Variants in GDAP1 observed in about 807,000 individuals in gnomAD.
GDAP1 encodes the protein ganglioside induced differentiation associated protein 1, also known as ganglioside-induced differentiation-associated protein 1.
A neutral mutation model predicts 40.1 loss-of-function variants in GDAP1; 34 were observed. The observed-to-expected ratio is 0.85, with a 90% CI of 0.64 to 1.13. The LOEUF (loss-of-function observed/expected upper bound fraction) is 1.13, where lower values mean the gene tolerates loss of function less well. Among genes scored for constraint, GDAP1 ranks in the 50% most tolerant of loss-of-function variants. GDAP1 has a pLI of 0.00. For synonymous variants in GDAP1, 170 were observed against 157.4 expected (o/e 1.08, Z -0.60); for missense variants, 374 against 433.7 (o/e 0.86, Z 1.22).
At chr8:74,412,232 G>A (rs1424136134) in intron 2 of GDAP1, among the ~76,000 whole-genome samples, 4 of 149,794 alleles carry the variant, frequency 2.7e-5, no homozygotes, top group African/African-American at 7.6e-5. Context: ...AATGATTAAT[G>A]GAAAATTTAT....
chr8:74,387,127 CAG>C (rs1810036958), intron 2 of GDAP1, among the ~76,000 whole-genome samples: 1 of 152,198 alleles, frequency 6.6e-6, no homozygotes, highest in Non-Finnish European at 1.5e-5. Context: ...CATCTGCAAA[CAG>C]AGGCAATTCT....
At chr8:74,377,763 C>T (rs1187242734) in intron 2 of GDAP1, among the ~76,000 whole-genome samples, 2 of 152,228 alleles carry the variant, frequency 1.3e-5, no homozygotes, top group Non-Finnish European at 2.9e-5. Context: ...AACAATCCCA[C>T]TCTTAGGTAT....
In GDAP1 at chr8:74,365,404, G is replaced by A. The variant is rs1448738605; in HGVS notation, c.*1037G>A. ...TGTATTCACTGATGTATGTTTAAGG[G>A]ATTTGGGGGGGATACCTCAGTTCAT... is the stretch of plus-strand genomic sequence containing the variant. On this transcript the variant is annotated 3_prime_UTR_variant, in exon 6 of 6. Transcript: ENST00000220822. 6.6e-6 allele frequency: 3 copies of A among 453,698 alleles called. No homozygotes were observed. In the East Asian group the frequency reaches 2.1e-4, roughly 32 times the overall value. The allele number at this position is 453,698 out of a possible 1,614,324, so 28.1% of individuals were successfully genotyped here. A position where few individuals can be genotyped will look rare whatever the true frequency, so the allele number is the denominator to read the frequency against.
At chr8:74,473,934 A>G (rs1172674082) in intron 2 of GDAP1, among the ~76,000 whole-genome samples, 1 of 152,242 alleles carries the variant, frequency 6.6e-6, no homozygotes, top group Non-Finnish European at 1.5e-5. Context: ...GTTCCTATCC[A>G]TGCACATGGA....
chr8:74,396,634 C>G (rs1279621359), intron 2 of GDAP1, among the ~76,000 whole-genome samples: 1 of 151,894 alleles, frequency 6.6e-6, no homozygotes, highest in Non-Finnish European at 1.5e-5. Context: ...CGATAGTTTA[C>G]TGAGAATGAT....
chr8:74,465,739 A>G (rs1389117249), intron 2 of GDAP1, among the ~76,000 whole-genome samples: 2 of 150,714 alleles, frequency 1.3e-5, no homozygotes, highest in Non-Finnish European at 2.9e-5. Flanking sequence ...TCCCTGCTTC[A>G]GGCACACTGA....
chr8:74,456,261 T>G (rs1806335391), intron 2 of GDAP1, among the ~76,000 whole-genome samples: 1 of 151,948 alleles, frequency 6.6e-6, no homozygotes, highest in Admixed American at 6.6e-5. Context: ...AAAGAGGCAA[T>G]GTTGGAATTT....
intron 2 of GDAP1, among the ~76,000 whole-genome samples, chr8:74,393,528 A>G (rs766947439): frequency 6.6e-6 from 1 of 152,210 alleles, no homozygotes; most frequent in Non-Finnish European, 1.5e-5. Flanking sequence ...TAGAAAAATG[A>G]TAATGACTAT....
intron 2 of GDAP1, among the ~76,000 whole-genome samples, chr8:74,471,391 G>T (rs1806552461): frequency 6.6e-6 from 1 of 151,572 alleles, no homozygotes; most frequent in African/African-American, 2.4e-5. Flanking sequence ...TTACTTAAAA[G>T]ATTATTTATT....
chr8:74,363,009 A>T lies in GDAP1; in HGVS notation c.650A>T (p.Asp217Val). Residue 217 changes from aspartate (D) to valine (V), a missense_variant, in exon 5 of 6, where the codon GAT (aspartate) becomes GTT (valine). Physicochemically the swap from Asp to Val is radical, Grantham distance 152. Coordinates refer to ENST00000220822, the MANE Select transcript of GDAP1 (RefSeq NM_018972.4). ...KILDELEKVL[D>V]QVETELQRRN... ...CTTGATGAGTTGGAGAAAGTCTTGGATCAGGTTGAAACTGAATTGCAAAGA... is the reference window on the plus strand; with the variant it reads ...CTTGATGAGTTGGAGAAAGTCTTGGTTCAGGTTGAAACTGAATTGCAAAGA... The T allele has an allele frequency of 6.3e-7, 1 of 1,586,332 alleles. No homozygotes were observed. Among genetic ancestry groups the T allele is most frequent in the Non-Finnish European group, 8.7e-7 (1 of 1,154,970 alleles).
rs1810274807 is a variant in GDAP1 at position 74,399,304 on chromosome 8, C to T, written c.165+47983C>T. Among the ~76,000 whole-genome samples, 3 of 149,984 alleles carry T rather than the reference C, an allele frequency of 2.0e-5. No homozygotes were observed. In the South Asian group the frequency reaches 6.2e-4, roughly 31 times the overall value. On this transcript the variant is annotated intron_variant, in intron 2 of 2. Transcript: ENST00000523640. ...AGGGCGTATGTGTCAAGGGATTTAT[C>T]CATTTCTTCTAGATTTTCTAGTTTA...
intron 2 of GDAP1, among the ~76,000 whole-genome samples, chr8:74,468,461 A>G (rs1806500796): frequency 6.7e-6 from 1 of 149,122 alleles, no homozygotes; most frequent in Admixed American, 6.8e-5. Flanking sequence ...ATTTACATAT[A>G]TATGTAAATG....
At chr8:74,466,868 C>G (rs899382228) in intron 2 of GDAP1, among the ~76,000 whole-genome samples, 4 of 152,032 alleles carry the variant, frequency 2.6e-5, no homozygotes, top group African/African-American at 9.7e-5. Context: ...AGGAGATATT[C>G]AAGACAAATG....
At position 74,453,024 on chromosome 8, in the gene GDAP1, G is replaced by A. The variant is rs1195200798; in HGVS notation, c.166-35654G>A. Among the ~76,000 whole-genome samples the A allele has an allele frequency of 6.0e-5, 5 of 82,808 alleles. 2 individuals carry two copies. The highest frequency in any genetic ancestry group is 1.6e-4 in the African/African-American group (3 of 18,952). 54.3% of individuals were successfully genotyped at this position (82,808 alleles called of 152,430 possible). ...ATTTGCTTTGGTTTTGTTGTTAGTCGTGCTAAATCACTTAGTCCTGGAACA... is the reference window on the plus strand; with the variant it reads ...ATTTGCTTTGGTTTTGTTGTTAGTCATGCTAAATCACTTAGTCCTGGAACA... On this transcript the variant is annotated intron_variant, in intron 2 of 2. Coordinates refer to the GDAP1 transcript ENST00000523640.
At chr8:74,472,832 C>A (rs887005968) in intron 2 of GDAP1, among the ~76,000 whole-genome samples, 1 of 151,994 alleles carries the variant, frequency 6.6e-6, no homozygotes, top group Non-Finnish European at 1.5e-5. Flanking sequence ...ATTGTAACTT[C>A]TGCCTCCCAA....
chr8:74,376,224 A>T (rs1179644117), intron 2 of GDAP1, among the ~76,000 whole-genome samples: 1 of 152,230 alleles, frequency 6.6e-6, no homozygotes, highest in East Asian at 1.9e-4. Context: ...AATCACCATT[A>T]CAGCAGTCCC....
chr8:74,434,345 C>G (rs1806062936), intron 2 of GDAP1, among the ~76,000 whole-genome samples: 1 of 152,346 alleles, frequency 6.6e-6, no homozygotes, highest in East Asian at 1.9e-4. Context: ...TAGACACTTT[C>G]TTCCTGCATT....
At chr8:74,456,983 G>A (rs911231691) in intron 2 of GDAP1, among the ~76,000 whole-genome samples, 19 of 152,008 alleles carry the variant, frequency 1.2e-4, no homozygotes, top group Admixed American at 1.0e-3. Flanking sequence ...ATAACTTTTT[G>A]TATTGGAGAA....
intron 2 of GDAP1, among the ~76,000 whole-genome samples, chr8:74,372,405 T>C (rs913455286): frequency 4.6e-5 from 7 of 152,212 alleles, no homozygotes; most frequent in African/African-American, 1.7e-4. Flanking sequence ...AGTGTTCCTA[T>C]GTCTCCACAT....
Sources: gnomAD v4.1 joint callset for allele counts (sites outside exome capture counted in the v4.1 genomes callset) on GRCh38, gnomAD v4.1.1 for gene constraint, MANE v1.5 for transcripts, NCBI Gene and HGNC (gene_info 2026-07-23, HGNC 2026-07-21) for gene names.